Variants in VCP observed in about 807,000 individuals in gnomAD.
VCP encodes transitional endoplasmic reticulum ATPase.
A neutral mutation model predicts 85.7 loss-of-function variants in VCP; 6 were observed. The ratio of observed to expected loss-of-function variants is 0.07; its 90% CI spans 0.04 to 0.14. VCP has a LOEUF of 0.14. Ranked by LOEUF, VCP falls within the 10% of genes least tolerant of loss-of-function variation. VCP has a pLI of 1.00. For missense variants in VCP, 353 were observed against 1,043.4 expected, an observed-to-expected ratio of 0.34 and a Z score of 9.12; for synonymous variants, 384 against 367.1, an observed-to-expected ratio of 1.05 and a Z score of -0.53.
chr9:35,058,806 T>C (rs1315590100), intron 15 of VCP, among the ~76,000 whole-genome samples: 1 of 152,138 alleles, frequency 6.6e-6, no homozygotes, highest in Non-Finnish European at 1.5e-5. Flanking sequence ...AAAACCTTGC[T>C]GTGTTTGCTG....
intron 6 of VCP, 115 bp from the exon 7 acceptor site, chr9:35,063,195 A>G (rs1828761375): frequency 1.1e-6 from 1 of 885,890 alleles, no homozygotes; most frequent in Non-Finnish European, 1.9e-6. Flanking sequence ...AATATTAAGA[A>G]TAAGCCCTCC....
At chr9:35,067,815 T>A in intron 3 of VCP, 76 bp downstream of exon 3, 1 of 1,590,162 alleles carries the variant, frequency 6.3e-7, no homozygotes, top group Non-Finnish European at 8.6e-7. Flanking sequence ...GTCCTGCCTG[T>A]AATACATGGG....
At chr9:35,057,342 C>T in intron 16 of VCP, 34 bp downstream of exon 16, 7 of 1,614,214 alleles carry the variant, frequency 4.3e-6, no homozygotes, top group Non-Finnish European at 5.9e-6. Context: ...CCCAAAGTAA[C>T]TTAAGCACTG....
chr9:35,065,078 G>C (rs1416329013), intron 5 of VCP, among the ~76,000 whole-genome samples, 173 bp downstream of exon 5: 1 of 152,114 alleles, frequency 6.6e-6, no homozygotes, highest in Non-Finnish European at 1.5e-5. Context: ...ATGTTGCCCA[G>C]GCTGGTCTTG....
Position 35,059,061 on chromosome 9 carries a change from C to T in VCP, c.2160+3G>A. ...CACATCTGGGGAAAGGATGCAGACT[C>T]ACCATGGCTGATGGGTTTGTCTGCC... On this transcript the variant is annotated splice_donor_region_variant and intron_variant, in intron 15 of 16. Coordinates refer to ENST00000358901, the MANE Select transcript of VCP (RefSeq NM_007126.5). This position sits in a 1 kb window ranked among gnomAD's most constrained non-coding sequence, Gnocchi z 4.9. 6.2e-7 allele frequency: 1 copy of T among 1,613,934 alleles called. No homozygotes were observed. Among genetic ancestry groups the T allele is most frequent in the Non-Finnish European group, 8.5e-7 (1 of 1,180,016 alleles).
chr9:35,059,255 C>A lies in VCP; in HGVS notation c.2005-36G>T. 1 of 1,613,558 alleles carries A rather than the reference C, an allele frequency of 6.2e-7. No individual in the cohort carries two copies. The highest frequency in any genetic ancestry group is 8.5e-7 in the Non-Finnish European group (1 of 1,179,790). On this transcript the variant is annotated intron_variant, in intron 14 of 16. Coordinates refer to ENST00000358901, the MANE Select transcript of VCP (RefSeq NM_007126.5). This position sits in a 1 kb window ranked among gnomAD's most constrained non-coding sequence, Gnocchi z 4.9. ...CAGCAGAGGTACCTTAGCATTTAGCCTCTCCTCTCGAGATACGCAGATCTT... is the reference window on the plus strand; with the variant it reads ...CAGCAGAGGTACCTTAGCATTTAGCATCTCCTCTCGAGATACGCAGATCTT...
chr9:35,061,077 C>T lies in VCP; in HGVS notation c.1297G>A (p.Glu433Lys). 1 of 1,614,194 alleles carries T rather than the reference C, an allele frequency of 6.2e-7. No homozygotes were observed. The highest frequency in any genetic ancestry group is 8.5e-7 in the Non-Finnish European group (1 of 1,180,026). ...ACCTCGGCATCAATGGTCTCATCCT[C>T]TAGGTCAATGAGATCCATCTTCTTG... ...IRKKMDLIDL[E>K]DETIDAEVMN... The change falls in exon 11 of 17, where the codon GAG (glutamate) becomes AAG (lysine). Residue 433 changes from glutamate (E) to lysine (K), a missense_variant. By Grantham distance (56) the Glu-to-Lys change is moderately conservative (BLOSUM62 1). This residue lies in a region of VCP where 22 missense variants were observed against 31.2 expected (regional missense o/e 0.70). Transcript: ENST00000358901.
intron 1 of VCP, among the ~76,000 whole-genome samples, chr9:35,070,825 A>ATGCCC (rs149175694): frequency 3.0e-3 from 452 of 152,308 alleles, no homozygotes; most frequent in Non-Finnish European, 5.3e-3. Flanking sequence ...GATGAGTGGT[A>ATGCCC]TGCCCTTTTC....
intron 1 of VCP, 26 bp downstream of exon 1, chr9:35,072,311 C>T (rs1343262831): frequency 2.0e-6 from 3 of 1,483,790 alleles, no homozygotes; most frequent in South Asian, 1.3e-5. Flanking sequence ...GCCGCCGCAG[C>T]AAGCGAACGG....
At position 35,063,152 on chromosome 9, in the gene VCP, C is replaced by CAG; in HGVS notation, c.709-74_709-73dup. The CAG allele has an allele frequency of 2.2e-6, 3 of 1,369,480 alleles. No homozygotes were observed. In the East Asian group the frequency reaches 6.9e-5, roughly 31 times the overall value. The allele number at this position is 1,369,480 out of a possible 1,614,324, so 84.8% of individuals were successfully genotyped here. A position where few individuals can be genotyped will look rare whatever the true frequency, so the allele number is the denominator to read the frequency against. On this transcript the variant is annotated intron_variant, in intron 6 of 16. Transcript: ENST00000358901. ...CCCTAAAATGGCTTGACTAGCGCTC[C>CAG]AGAGAGGGTGAGAATCAGGCTTCAA...
chr9:35,065,592 G>A (rs1245484431), intron 4 of VCP, among the ~76,000 whole-genome samples: 3 of 152,168 alleles, frequency 2.0e-5, no homozygotes, highest in Admixed American at 1.3e-4. Context: ...CTGACAAGAG[G>A]TCAGTGAACA....
intron 1 of VCP, among the ~76,000 whole-genome samples, chr9:35,069,073 C>G (rs1363820280): frequency 3.3e-5 from 5 of 152,160 alleles, no homozygotes; most frequent in Non-Finnish European, 7.3e-5. Flanking sequence ...TGGTGCTACC[C>G]TCCTTATAGG....
intron 5 of VCP, among the ~76,000 whole-genome samples, chr9:35,064,574 C>G (rs774727730): frequency 6.6e-5 from 10 of 152,148 alleles, no homozygotes; most frequent in Non-Finnish European, 1.3e-4. Flanking sequence ...CAAAGAACAA[C>G]TACAAAAATC....
chr9:35,068,346 G>A lies in VCP; in HGVS notation c.34C>T (p.Leu12=), dbSNP rs1265411326. 3 of 1,613,994 alleles carry A rather than the reference G, an allele frequency of 1.9e-6. No homozygotes were observed. In the African/African-American group the frequency reaches 4.0e-5, roughly 22 times the overall value. ...ASGADSKGDD[L]STAILKQKNR... Reference sequence around the variant, plus strand: ...TTCTGTTTGAGAATGGCTGTTGATAGGTCATCACCTTTTGAACTAGAAGGA... The same window carrying A: ...TTCTGTTTGAGAATGGCTGTTGATAAGTCATCACCTTTTGAACTAGAAGGA... The change falls in exon 2 of 17, where the codon CTA becomes TTA. Residue 12 remains leucine, a synonymous_variant. Transcript: ENST00000358901.
intron 10 of VCP, 73 bp from the exon 11 acceptor site, chr9:35,061,252 T>A: frequency 6.3e-7 from 1 of 1,596,888 alleles, no homozygotes; most frequent in Non-Finnish European, 8.6e-7. Flanking sequence ...GACAATAGAA[T>A]CCTTCCCCTG....
At position 35,056,833 on chromosome 9, in the gene VCP, C is replaced by T; in HGVS notation, c.*284G>A. 1 of 416,596 alleles carries T rather than the reference C, an allele frequency of 2.4e-6. No individual in the cohort carries two copies. Among genetic ancestry groups the T allele is most frequent in the South Asian group, 2.0e-5 (1 of 48,958 alleles). 25.8% of individuals were successfully genotyped at this position (416,596 alleles called of 1,614,324 possible). On this transcript the variant is annotated 3_prime_UTR_variant, in exon 17 of 17. Transcript: ENST00000358901. Reference sequence around the variant, plus strand: ...GTTCACACCCCACACAGGTCCCCTGCACTGCCCCAAACTACAACAGAAATG... The same window carrying T: ...GTTCACACCCCACACAGGTCCCCTGTACTGCCCCAAACTACAACAGAAATG...
In VCP at chr9:35,060,918, G is replaced by C. The variant is rs771308655; in HGVS notation, c.1365C>G (p.Ala455=). The C allele has an allele frequency of 5.6e-6, 9 of 1,614,204 alleles. No individual in the cohort carries two copies. The highest frequency in any genetic ancestry group is 7.6e-6 in the Non-Finnish European group (9 of 1,180,046). ...GTGCTGATGGGTTACTCTGGCTCAA[G>C]GCCCACTAGAAAAGGAGGGAAAACT... ...LAVTMDDFRW[A]LSQSNPSALR... Residue 455 remains alanine, a synonymous_variant, in exon 12 of 17, where the codon GCC becomes GCG. Transcript: ENST00000358901.
At chr9:35,063,919 G>A (rs892567834) in intron 6 of VCP, among the ~76,000 whole-genome samples, 6 of 152,244 alleles carry the variant, frequency 3.9e-5, no homozygotes, top group African/African-American at 1.4e-4. Context: ...ATATATATGT[G>A]TGTGTGTTTT....
At chr9:35,058,245 C>G (rs1017228915) in intron 15 of VCP, among the ~76,000 whole-genome samples, 1 of 152,174 alleles carries the variant, frequency 6.6e-6, no homozygotes, top group Non-Finnish European at 1.5e-5. Flanking sequence ...AGGGATGTCA[C>G]AGACCCTTCA....
Sources: gnomAD v4.1 joint callset for allele counts (sites outside exome capture counted in the v4.1 genomes callset) on GRCh38, gnomAD v4.1.1 for gene constraint, gnomAD v4.1.1 regional missense constraint, Gnocchi (gnomAD v3.1) non-coding constraint, MANE v1.5 for transcripts, NCBI Gene and HGNC (gene_info 2026-07-23, HGNC 2026-07-21) for gene names.